Variants in DNAH8 observed in about 807,000 individuals in gnomAD.
DNAH8 encodes dynein axonemal heavy chain 8, also known as axonemal beta dynein heavy chain 8.
Under a neutral mutation model 562.1 loss-of-function variants are expected in DNAH8, and 382 were observed. That is an observed-to-expected ratio of 0.68 (90% CI 0.63 to 0.74). DNAH8 has a LOEUF of 0.74. DNAH8 is among the 30% of genes least tolerant of loss of function. The pLI, the probability that DNAH8 is intolerant of heterozygous loss-of-function variation, is 0.00. For synonymous variants in DNAH8, 1,881 were observed against 1,919.4 expected, an observed-to-expected ratio of 0.98 and a Z score of 0.52; for missense variants, 5,203 against 5,620.4, an observed-to-expected ratio of 0.93 and a Z score of 2.37.
At chr6:38,856,522 C>T (rs186345823) in intron 41 of DNAH8, among the ~76,000 whole-genome samples, 54 of 152,130 alleles carry the variant, frequency 3.5e-4, no homozygotes, top group Non-Finnish European at 5.9e-4. Flanking sequence ...TGTCTTTCCC[C>T]CCTTGGACCA....
intron 45 of DNAH8, among the ~76,000 whole-genome samples, chr6:38,864,975 T>C (rs1254998002): frequency 1.3e-5 from 2 of 152,194 alleles, no homozygotes; most frequent in East Asian, 3.8e-4. Flanking sequence ...AAATAAAATT[T>C]CTGCAATAAT....
At chr6:38,750,236 G>A (rs930524563) in intron 8 of DNAH8, among the ~76,000 whole-genome samples, 4 of 152,196 alleles carry the variant, frequency 2.6e-5, no homozygotes, top group Admixed American at 2.6e-4. Flanking sequence ...AGCAGGTCCA[G>A]TTCAAGCCTA....
chr6:38,938,978 T>TCTTTAATGAGAG lies in DNAH8; in HGVS notation c.11999_12000insTTAATGAGAGCT (p.Leu4000_Ile4001insTer). The TCTTTAATGAGAG allele has an allele frequency of 6.2e-7, 1 of 1,612,762 alleles. No homozygotes were observed. Among genetic ancestry groups the TCTTTAATGAGAG allele is most frequent in the Non-Finnish European group, 8.5e-7 (1 of 1,179,426 alleles). On this transcript the variant is annotated stop_gained and inframe_insertion, in exon 79 of 93. Coordinates refer to ENST00000327475, the MANE Select transcript of DNAH8 (RefSeq NM_001206927.2). LOFTEE classifies it high-confidence loss of function. ...CAGTTAAGCACAGAGAGTTTCAAGC[T>TCTTTAATGAGAG]CTCATTAAAGGTAAAGTGTGTGGGA...
intron 36 of DNAH8, among the ~76,000 whole-genome samples, chr6:38,847,857 T>A (rs1775421006): frequency 6.6e-6 from 1 of 152,212 alleles, no homozygotes; most frequent in African/African-American, 2.4e-5. Context: ...CTTGTCCTCC[T>A]TTGTTGTGCT....
At position 38,734,590 on chromosome 6, in the gene DNAH8, A is replaced by G. The variant is rs1208779013; in HGVS notation, c.727A>G (p.Asn243Asp). ...GLCIFFVRCR[N>D]DVAINVKTIQ... ...GTGCATATTTTTTGTTCGTTGCCGT[A>G]ATGATGTTGCTATAAATGTTAAAAC... Residue 243 changes from asparagine (N) to aspartate (D), a missense_variant, in exon 5 of 93, where the codon AAT becomes GAT. By Grantham distance (23) the Asn-to-Asp change is conservative (BLOSUM62 1). Transcript: ENST00000327475. 9 of 1,613,628 alleles carry G rather than the reference A, an allele frequency of 5.6e-6. No individual in the cohort carries two copies. The highest frequency in any genetic ancestry group is 6.8e-6 in the Non-Finnish European group (8 of 1,179,980).
chr6:38,833,670 C>T (rs868142818), intron 31 of DNAH8, among the ~76,000 whole-genome samples: 3 of 152,130 alleles, frequency 2.0e-5, no homozygotes, highest in Admixed American at 6.6e-5. Context: ...ATAAATGAAA[C>T]CAATAAAATG....
At chr6:38,847,814 C>T (rs1188779784) in intron 36 of DNAH8, among the ~76,000 whole-genome samples, 1 of 152,186 alleles carries the variant, frequency 6.6e-6, no homozygotes. Flanking sequence ...CCAGTAGCCT[C>T]CCATTGCTTC....
rs1473949597 is a variant in DNAH8 at position 38,734,492 on chromosome 6, C to T, written c.629C>T (p.Ala210Val). ...TTTTCAGAATGTGGTCGAACTATTG[C>T]TGGAGCAACTAAAGGGGCAAAAATG... Reference protein sequence around the residue: ...VPGIECGRTIAGATKGAKMMK... With the variant: ...VPGIECGRTIVGATKGAKMMK... The change falls in exon 5 of 93, where the codon GCT (alanine) becomes GTT (valine). Residue 210 changes from alanine (A) to valine (V), a missense_variant. Coordinates refer to ENST00000327475, the MANE Select transcript of DNAH8 (RefSeq NM_001206927.2). The T allele has an allele frequency of 6.2e-7, 1 of 1,613,752 alleles. No individual in the cohort carries two copies. Among genetic ancestry groups the T allele is most frequent in the Non-Finnish European group, 8.5e-7 (1 of 1,179,936 alleles).
chr6:38,915,274 A>G lies in DNAH8; in HGVS notation c.10037A>G (p.Lys3346Arg). The G allele has an allele frequency of 6.2e-7, 1 of 1,611,736 alleles. No homozygotes were observed. The highest frequency in any genetic ancestry group is 8.5e-7 in the Non-Finnish European group (1 of 1,179,172). Residue 3346 changes from lysine to arginine, a missense_variant, in exon 68 of 93, where the codon AAA (lysine) becomes AGA (arginine). Coordinates refer to ENST00000327475, the MANE Select transcript of DNAH8 (RefSeq NM_001206927.2). ...AATGAAGTACAGGAGGTAAAGGACA[A>G]AGCCCAAAAAATTGTGGATGAAATT... ...IKNEVQEVKD[K>R]AQKIVDEIDS...
At chr6:38,985,102 A>G (rs1434087329) in intron 87 of DNAH8, among the ~76,000 whole-genome samples, 1 of 152,220 alleles carries the variant, frequency 6.6e-6, no homozygotes, top group Non-Finnish European at 1.5e-5. Flanking sequence ...AGGATAGACA[A>G]TTGGAAATTG....
At chr6:38,794,474 A>G (rs1339130688) in intron 21 of DNAH8, among the ~76,000 whole-genome samples, 1 of 152,204 alleles carries the variant, frequency 6.6e-6, no homozygotes, top group African/African-American at 2.4e-5. Flanking sequence ...TACATATGAT[A>G]CACCCTTGTA....
chr6:38,905,395 T>C (rs1248350953), intron 62 of DNAH8, among the ~76,000 whole-genome samples: 1 of 152,210 alleles, frequency 6.6e-6, no homozygotes, highest in African/African-American at 2.4e-5. Flanking sequence ...ATTCCATAAT[T>C]TGTAGCCATC....
intron 39 of DNAH8, among the ~76,000 whole-genome samples, chr6:38,852,118 C>G (rs1369139698): frequency 6.6e-6 from 1 of 152,060 alleles, no homozygotes; most frequent in South Asian, 2.1e-4. Flanking sequence ...TGGATTTGTC[C>G]TTTTTTCCTT....
chr6:38,802,400 C>A (rs745586793), intron 21 of DNAH8, among the ~76,000 whole-genome samples: 1 of 152,204 alleles, frequency 6.6e-6, no homozygotes, highest in Non-Finnish European at 1.5e-5. Context: ...CAAGACACTG[C>A]ATCCAACTAC....
intron 1 of DNAH8, among the ~76,000 whole-genome samples, chr6:38,721,084 G>A (rs1267884648): frequency 6.6e-6 from 1 of 152,080 alleles, no homozygotes; most frequent in Non-Finnish European, 1.5e-5. Flanking sequence ...TACCTCAAAC[G>A]ACCAGATTTA....
intron 58 of DNAH8, among the ~76,000 whole-genome samples, chr6:38,893,391 G>A (rs367932719): frequency 2.6e-5 from 4 of 152,202 alleles, no homozygotes; most frequent in African/African-American, 9.6e-5. Flanking sequence ...AAGGAAAGAA[G>A]CAGGTTAACA....
intron 45 of DNAH8, among the ~76,000 whole-genome samples, chr6:38,866,280 G>A (rs1415457926): frequency 6.6e-6 from 1 of 151,988 alleles, no homozygotes; most frequent in Non-Finnish European, 1.5e-5. Context: ...GTTTTCTCTT[G>A]TATTATTTCA....
intron 88 of DNAH8, among the ~76,000 whole-genome samples, chr6:39,008,080 G>T (rs2150764142): frequency 6.6e-6 from 1 of 151,930 alleles, no homozygotes; most frequent in African/African-American, 2.4e-5. Context: ...GGGAATGAGA[G>T]AATCAAACCT....
intron 88 of DNAH8, among the ~76,000 whole-genome samples, chr6:38,990,701 G>A (rs1229815903): frequency 2.6e-5 from 4 of 152,124 alleles, no homozygotes; most frequent in Middle Eastern, 3.2e-3. Flanking sequence ...TTGAGTACCC[G>A]ACACAGATGC....
Sources: gnomAD v4.1 joint callset for allele counts (sites outside exome capture counted in the v4.1 genomes callset) on GRCh38, gnomAD v4.1.1 for gene constraint, MANE v1.5 for transcripts, NCBI Gene and HGNC (gene_info 2026-07-23, HGNC 2026-07-21) for gene names.